Variants in CLTB observed in about 807,000 individuals in gnomAD.
CLTB encodes clathrin light chain B.
CLTB carries 10 observed loss-of-function variants against 30.5 expected under a neutral mutation model. That is an observed-to-expected ratio of 0.33 (90% confidence interval 0.20 to 0.56). The LOEUF (loss-of-function observed/expected upper bound fraction) is 0.56. Ranked by LOEUF, CLTB falls within the 20% of genes least tolerant of loss-of-function variation. The pLI, the probability that CLTB is intolerant of heterozygous loss-of-function variation, is 0.91. For missense variants in CLTB, 261 were observed against 308.3 expected, an observed-to-expected ratio of 0.85 and a Z score of 1.15; for synonymous variants, 102 against 120.3, an observed-to-expected ratio of 0.85 and a Z score of 1.00.
chr5:176,402,258 A>G (rs1756860658), intron 2 of CLTB, among the ~76,000 whole-genome samples: 1 of 152,220 alleles, frequency 6.6e-6, no homozygotes, highest in African/African-American at 2.4e-5. Context: ...AGATCGTGCC[A>G]CTGTACTCCA....
At chr5:176,402,145 T>C (rs552719684) in intron 2 of CLTB, among the ~76,000 whole-genome samples, 1 of 151,950 alleles carries the variant, frequency 6.6e-6, no homozygotes, top group South Asian at 2.1e-4. Context: ...TCTACTAAAA[T>C]ACAAAAATTA....
rs1561802246 is a variant in CLTB, at chr5:176,412,567, C to A, written c.188-2264G>T. Among the ~76,000 whole-genome samples, 11 of 152,316 alleles carry A rather than the reference C, an allele frequency of 7.2e-5. No individual in the cohort carries two copies. The East Asian group carries it at 2.1e-3, about 29-fold the overall frequency. On this transcript the variant is annotated intron_variant, in intron 1 of 5. Coordinates refer to ENST00000310418, the MANE Select transcript of CLTB (RefSeq NM_007097.5). ...ATGGAGGCCACATGAGGTTAATAGG[C>A]AGATGGACAAATAGCCCTTCACCAG...
intron 1 of CLTB, among the ~76,000 whole-genome samples, chr5:176,413,515 C>T (rs2113688249): frequency 6.6e-6 from 1 of 152,364 alleles, no homozygotes; most frequent in East Asian, 1.9e-4. Context: ...CACAGGCCTA[C>T]ACCAGATACC....
intron 2 of CLTB, among the ~76,000 whole-genome samples, chr5:176,398,719 T>C (rs1362617489): frequency 2.0e-5 from 3 of 151,704 alleles, no homozygotes; most frequent in African/African-American, 4.8e-5. Context: ...TCTCAAAAAA[T>C]AAACAAATAA....
At chr5:176,398,137 T>C in intron 2 of CLTB, 90 bp from the exon 3 acceptor site, 1 of 1,186,446 alleles carries the variant, frequency 8.4e-7, no homozygotes, top group Non-Finnish European at 1.3e-6. Context: ...CATGTCTGGA[T>C]AACTCAGCCT....
At chr5:176,405,911 G>A (rs992788397) in intron 2 of CLTB, 1 of 152,188 alleles carries the variant, frequency 6.6e-6, no homozygotes, top group African/African-American at 2.4e-5. Flanking sequence ...TAGAGGGCGT[G>A]TGCGTATGAG....
intron 1 of CLTB, among the ~76,000 whole-genome samples, chr5:176,412,154 C>G (rs113848968): frequency 7.2e-6 from 1 of 139,466 alleles, no homozygotes; most frequent in Non-Finnish European, 1.5e-5. Flanking sequence ...CCAGCCTGGG[C>G]GACAGAGTGA....
chr5:176,411,482 A>G (rs1757424102), intron 1 of CLTB, among the ~76,000 whole-genome samples: 1 of 152,108 alleles, frequency 6.6e-6, no homozygotes, highest in African/African-American at 2.4e-5. Flanking sequence ...AATGCTGCCT[A>G]ATTAAAGGCC....
chr5:176,403,561 TCTC>T (rs1756949495), intron 2 of CLTB, among the ~76,000 whole-genome samples: 1 of 151,642 alleles, frequency 6.6e-6, no homozygotes, highest in Non-Finnish European at 1.5e-5. Flanking sequence ...TTCAAGCAAT[TCTC>T]CTCCTCAGCC....
chr5:176,398,091 C>T (rs375306665), intron 2 of CLTB, 44 bp from the exon 3 acceptor site: 84 of 1,564,230 alleles, frequency 5.4e-5, no homozygotes, highest in Non-Finnish European at 7.0e-5. Flanking sequence ...AGCACACCTG[C>T]CCCGCTGTCT....
Position 176,399,195 on chromosome 5 carries a change from C to A in CLTB, c.235-1148G>T, listed in dbSNP as rs142230825. Among the ~76,000 whole-genome samples the A allele has an allele frequency of 5.1e-4, 78 of 152,240 alleles. 1 individual carries two copies. The East Asian group carries it at 0.014, about 28-fold the overall frequency. On this transcript the variant is annotated intron_variant, in intron 2 of 5. Transcript: ENST00000310418. ...TTGTCTGTCTCTGCCATCAGAATGT[C>A]ATCTCTGTCCTTTTCACTGCTATGT...
chr5:176,410,649 C>T (rs1050830139), intron 1 of CLTB, among the ~76,000 whole-genome samples: 2 of 152,184 alleles, frequency 1.3e-5, no homozygotes, highest in African/African-American at 4.8e-5. Flanking sequence ...GACCCCTGGC[C>T]ATGGCTGGGA....
chr5:176,393,007 G>A lies in CLTB; in HGVS notation c.519-62C>T, dbSNP rs774659281. On this transcript the variant is annotated intron_variant, in intron 5 of 5. Coordinates refer to ENST00000310418, the MANE Select transcript of CLTB (RefSeq NM_007097.5). This position sits in a 1 kb window ranked among gnomAD's most constrained non-coding sequence, Gnocchi z 4.4. Reference sequence around the variant, plus strand: ...TGCTTTCCCCCAGCCTTGCCCTTGAGCAAGGCTGCTTTGCCCAGCCTACTC... The same window carrying A: ...TGCTTTCCCCCAGCCTTGCCCTTGAACAAGGCTGCTTTGCCCAGCCTACTC... 63 of 1,594,532 alleles carry A rather than the reference G, an allele frequency of 4.0e-5. No homozygotes were observed. Among genetic ancestry groups the A allele is most frequent in the Non-Finnish European group, 5.1e-5 (59 of 1,164,152 alleles).
In CLTB at chr5:176,392,876, G is replaced by A. The variant is rs1217857826; in HGVS notation, c.588C>T (p.Ala196=). The A allele has an allele frequency of 6.2e-7, 1 of 1,614,166 alleles. No individual in the cohort carries two copies. The change falls in exon 6 of 6, where the codon GCC becomes GCT. Residue 196 remains alanine (A), a synonymous_variant. Coordinates refer to ENST00000310418, the MANE Select transcript of CLTB (RefSeq NM_007097.5). This position sits in a 1 kb window ranked among gnomAD's most constrained non-coding sequence, Gnocchi z 5.2. ...ETPGTEWEKV[A]QLCDFNPKSS... is the part of the protein sequence containing the mutation. The stretch of plus-strand genomic sequence containing the variant: ...TCTTGGGGTTGAAGTCACATAGCTG[G>A]GCCACCTTCTCCCACTCTGTGCCTG...
intron 2 of CLTB, among the ~76,000 whole-genome samples, chr5:176,398,300 T>C (rs901870318): frequency 6.6e-6 from 1 of 152,206 alleles, no homozygotes; most frequent in South Asian, 2.1e-4. Flanking sequence ...TTATAGGTTT[T>C]GATACCCCCA....
Position 176,401,973 on chromosome 5 carries a change from G to A in CLTB, c.235-3926C>T, listed in dbSNP as rs150527943. On this transcript the variant is annotated intron_variant, in intron 2 of 5. Coordinates refer to ENST00000310418, the MANE Select transcript of CLTB (RefSeq NM_007097.5). ...CACAAAATGCCCGAATGACCTATTC[G>A]GAGTCTAAATCCGATTTATCATGTC... 9.9e-4 allele frequency: 331 copies of A among 333,726 alleles called. 4 individuals are homozygous for A. The East Asian group carries it at 0.025, about 26-fold the overall frequency. 20.7% of individuals were successfully genotyped at this position (333,726 alleles called of 1,614,324 possible). A position where few individuals can be genotyped will look rare whatever the true frequency, so the allele number is the denominator to read the frequency against.
intron 2 of CLTB, chr5:176,406,263 G>C (rs921989060): frequency 9.7e-7 from 1 of 1,033,420 alleles, no homozygotes; most frequent in Non-Finnish European, 1.2e-6. Flanking sequence ...TCTGGAGAGA[G>C]AAAGGGGCAG....
intron 2 of CLTB, among the ~76,000 whole-genome samples, chr5:176,402,961 GGAGGA>G (rs1265492466): frequency 6.6e-6 from 1 of 152,184 alleles, no homozygotes; most frequent in African/African-American, 2.4e-5. Context: ...GCCAGATGTG[GGAGGA>G]GAGGAGTGGT....
chr5:176,410,311 G>A lies in CLTB; in HGVS notation c.188-8C>T. The A allele has an allele frequency of 6.2e-7, 1 of 1,613,344 alleles. No individual in the cohort carries two copies. On this transcript the variant is annotated splice_region_variant and splice_polypyrimidine_tract_variant and intron_variant, in intron 1 of 5. Coordinates refer to ENST00000310418, the MANE Select transcript of CLTB (RefSeq NM_007097.5). The stretch of plus-strand genomic sequence containing the variant: ...CCATGTCCTCAGAACCAGCTGGAAA[G>A]AGAACAAGGAGATAGCATTACTCAC...
Sources: gnomAD v4.1 joint callset for allele counts (sites outside exome capture counted in the v4.1 genomes callset) on GRCh38, gnomAD v4.1.1 for gene constraint, Gnocchi (gnomAD v3.1) non-coding constraint, MANE v1.5 for transcripts, NCBI Gene and HGNC (gene_info 2026-07-23, HGNC 2026-07-21) for gene names.